Variants in LHX6 observed in about 807,000 individuals in gnomAD.
LHX6 encodes LIM homeobox 6, also known as LIM/homeobox protein Lhx6.
In LHX6, 15 loss-of-function variants were observed where a neutral mutation model predicts 47.1. That is an observed-to-expected ratio of 0.32 (90% CI 0.21 to 0.49). The LOEUF is 0.49. Ranked by LOEUF, LHX6 falls within the 20% of genes least tolerant of loss-of-function variation. The probability of loss-of-function intolerance (pLI) is 0.99; values close to 1 mark genes in which losing one functional copy is unlikely to be tolerated. For synonymous variants in LHX6, 242 were observed against 233.5 expected (o/e 1.04, Z -0.33); for missense variants, 404 against 539.6 (o/e 0.75, Z 2.49).
At chr9:122,218,329 A>G (rs1241395004) in intron 4 of LHX6, among the ~76,000 whole-genome samples, 1 of 152,120 alleles carries the variant, frequency 6.6e-6, no homozygotes, top group Non-Finnish European at 1.5e-5. Context: ...CCTCTATTTC[A>G]GAGAATGGTG....
In LHX6 at chr9:122,204,519, T is replaced by A. The variant is rs191293623; in HGVS notation, c.*241A>T. The A allele has an allele frequency of 2.4e-6, 1 of 424,374 alleles. No individual in the cohort carries two copies. The highest frequency in any genetic ancestry group is 3.5e-5 in the East Asian group (1 of 28,340). The allele number at this position is 424,374 out of a possible 1,614,324, so 26.3% of individuals were successfully genotyped here. ...AAAAACAGGCTGTTTCCACCCTGATTCCAGATTTCAGGGAGTTCTGCCTTC... is the reference window on the plus strand; with the variant it reads ...AAAAACAGGCTGTTTCCACCCTGATACCAGATTTCAGGGAGTTCTGCCTTC... On this transcript the variant is annotated 3_prime_UTR_variant, in exon 10 of 10. Coordinates refer to ENST00000394319, the MANE Select transcript of LHX6 (RefSeq NM_014368.5).
In LHX6 at chr9:122,228,639, A is replaced by G; in HGVS notation, c.84+18T>C. ...CGACCCCGGCCCGGGCCGCTCACCC[A>G]GTCGTTCGCCGGCTCACCTGGTCGG... On this transcript the variant is annotated intron_variant, in intron 1 of 9. Coordinates refer to ENST00000394319, the MANE Select transcript of LHX6 (RefSeq NM_014368.5). 7.7e-7 allele frequency: 1 copy of G among 1,301,252 alleles called. No individual in the cohort carries two copies. The highest frequency in any genetic ancestry group is 9.7e-7 in the Non-Finnish European group (1 of 1,027,516). The allele number at this position is 1,301,252 out of a possible 1,614,324, so 80.6% of individuals were successfully genotyped here.
In LHX6 at chr9:122,213,050, C is replaced by T. The variant is rs1830451998; in HGVS notation, c.1054+556G>A. On this transcript the variant is annotated intron_variant, in intron 8 of 9. Transcript: ENST00000394319. The surrounding 1 kb of genome is among the most constrained non-coding windows in gnomAD (Gnocchi z 5.5). ...CTGGCCTTCTGCTCCCCAGAACACA[C>T]CCATGCCACGATGCTTTCTGGGCCA... Among the ~76,000 whole-genome samples the T allele has an allele frequency of 6.6e-6, 1 of 152,100 alleles. No individual in the cohort carries two copies. Among genetic ancestry groups the T allele is most frequent in the Non-Finnish European group, 1.5e-5 (1 of 68,024 alleles).
chr9:122,204,457 A>G lies in LHX6; in HGVS notation c.*303T>C. On this transcript the variant is annotated 3_prime_UTR_variant, in exon 10 of 10. Transcript: ENST00000394319. ...TTCAATTCCGCCTTTTGTTATTGTA[A>G]TCAGCTGAAGTTGAAGAGGACTCCT... 1 of 399,764 alleles carries G rather than the reference A, an allele frequency of 2.5e-6. No individual in the cohort carries two copies. Among genetic ancestry groups the G allele is most frequent in the Non-Finnish European group, 4.4e-6 (1 of 226,490 alleles). The allele number at this position is 399,764 out of a possible 1,614,324, so 24.8% of individuals were successfully genotyped here.
At chr9:122,227,741 C>T in intron 1 of LHX6, 1 of 586,698 alleles carries the variant, frequency 1.7e-6, no homozygotes, top group Non-Finnish European at 2.6e-6. Context: ...CGCTTAGTTC[C>T]CTTGCAATCC....
Position 122,226,278 on chromosome 9 carries a change from G to T in LHX6, c.461+98C>A. 6.9e-7 allele frequency: 1 copy of T among 1,450,842 alleles called. No homozygotes were observed. The allele number at this position is 1,450,842 out of a possible 1,614,324, so 89.9% of individuals were successfully genotyped here. Reference sequence around the variant, plus strand: ...GCGCCGGAAGTGCACTCGGGACGCCGGGGTTCTGGAGGAGAGACCACACGC... The same window carrying T: ...GCGCCGGAAGTGCACTCGGGACGCCTGGGTTCTGGAGGAGAGACCACACGC... On this transcript the variant is annotated intron_variant, in intron 4 of 9. Coordinates refer to ENST00000394319, the MANE Select transcript of LHX6 (RefSeq NM_014368.5). The surrounding 1 kb of genome is among the most constrained non-coding windows in gnomAD (Gnocchi z 6.5).
intron 8 of LHX6, among the ~76,000 whole-genome samples, chr9:122,212,038 C>A (rs2118844213): frequency 6.6e-6 from 1 of 152,300 alleles, no homozygotes; most frequent in African/African-American, 2.4e-5. Flanking sequence ...GAAGACAGGG[C>A]TCTGCACTCC....
At chr9:122,223,509 C>A (rs1057060819) in intron 4 of LHX6, among the ~76,000 whole-genome samples, 5 of 152,152 alleles carry the variant, frequency 3.3e-5, no homozygotes, top group Admixed American at 3.3e-4. Flanking sequence ...ATTTAGGGAG[C>A]CTTTATAGAG....
intron 5 of LHX6, among the ~76,000 whole-genome samples, chr9:122,215,598 TG>T (rs1654296890): frequency 6.6e-6 from 1 of 152,192 alleles, no homozygotes; most frequent in South Asian, 2.1e-4. Flanking sequence ...GACCACAGTG[TG>T]GGAAAGCTCT....
intron 4 of LHX6, among the ~76,000 whole-genome samples, chr9:122,223,462 G>T (rs576105321): frequency 1.3e-5 from 2 of 152,310 alleles, no homozygotes; most frequent in South Asian, 4.1e-4. Flanking sequence ...TGCCAATGAT[G>T]ACAACAGTGA....
At chr9:122,211,903 C>G (rs1243677164) in intron 8 of LHX6, among the ~76,000 whole-genome samples, 1 of 152,194 alleles carries the variant, frequency 6.6e-6, no homozygotes, top group Non-Finnish European at 1.5e-5. Context: ...CTTTAACAGG[C>G]TCTGTGCAGC....
chr9:122,204,424 T>A lies in LHX6; in HGVS notation c.*336A>T. The A allele has an allele frequency of 8.0e-6, 3 of 373,682 alleles. No individual in the cohort carries two copies. Among genetic ancestry groups the A allele is most frequent in the Non-Finnish European group, 1.4e-5 (3 of 209,896 alleles). The allele number at this position is 373,682 out of a possible 1,614,324, so 23.1% of individuals were successfully genotyped here. On this transcript the variant is annotated 3_prime_UTR_variant, in exon 10 of 10. Coordinates refer to ENST00000394319, the MANE Select transcript of LHX6 (RefSeq NM_014368.5). The stretch of plus-strand genomic sequence containing the variant: ...CCTGTAAATGAGAAGGCCGTTGGCA[T>A]CGCACAATTCAATTCCGCCTTTTGT...
intron 2 of LHX6, 57 bp downstream of exon 2, chr9:122,227,352 C>T: frequency 7.0e-7 from 1 of 1,434,308 alleles, no homozygotes; most frequent in South Asian, 1.4e-5. Context: ...CTGGCCAGGT[C>T]CCCAGGGCCG....
intron 9 of LHX6, among the ~76,000 whole-genome samples, chr9:122,205,324 A>G (rs1482725815): frequency 6.6e-6 from 1 of 152,188 alleles, no homozygotes; most frequent in Non-Finnish European, 1.5e-5. Context: ...CCACAGGGCC[A>G]CGGGCTAAGC....
At chr9:122,208,938 G>A (rs1033396328) in intron 9 of LHX6, among the ~76,000 whole-genome samples, 1 of 152,002 alleles carries the variant, frequency 6.6e-6, no homozygotes, top group African/African-American at 2.4e-5. Context: ...TTGTCTGACA[G>A]CACTGGCTTT....
Position 122,226,111 on chromosome 9 carries a change from A to C in LHX6, c.461+265T>G, listed in dbSNP as rs921617339. On this transcript the variant is annotated intron_variant, in intron 4 of 9. Transcript: ENST00000394319. The surrounding 1 kb of genome is among the most constrained non-coding windows in gnomAD (Gnocchi z 6.5). The stretch of plus-strand genomic sequence containing the variant: ...GCCTGAGACTTAGGCAGGACCCGAG[A>C]CAGAGCCAGAGACGATACCGAAACC... Among the ~76,000 whole-genome samples the C allele has an allele frequency of 4.6e-5, 7 of 152,156 alleles. No individual in the cohort carries two copies. Among genetic ancestry groups the C allele is most frequent in the African/African-American group, 1.7e-4 (7 of 41,428 alleles).
chr9:122,218,232 C>T (rs923292747), intron 4 of LHX6, among the ~76,000 whole-genome samples: 5 of 152,104 alleles, frequency 3.3e-5, no homozygotes, highest in Admixed American at 1.3e-4. Flanking sequence ...GGCCTGATCC[C>T]GGGCACCAGG....
intron 1 of LHX6, chr9:122,228,169 G>T: frequency 8.6e-7 from 1 of 1,162,984 alleles, no homozygotes; most frequent in Non-Finnish European, 1.2e-6. Context: ...ACGGATTCAG[G>T]CGCCTTTCGA....
chr9:122,215,568 G>A (rs1427950432), intron 5 of LHX6, among the ~76,000 whole-genome samples: 1 of 151,928 alleles, frequency 6.6e-6, no homozygotes, highest in East Asian at 1.9e-4. Flanking sequence ...ATGTGTGGAA[G>A]GAGCCTGTGG....
Sources: allele counts gnomAD v4.1 joint callset (sites outside exome capture counted in the v4.1 genomes callset), GRCh38; gene constraint gnomAD v4.1.1; non-coding constraint Gnocchi (gnomAD v3.1); transcripts MANE v1.5; gene names NCBI Gene and HGNC (gene_info 2026-07-23, HGNC 2026-07-21).